The following TDRD12 variants were observed in gnomAD, a reference collection of about 807,000 sequenced individuals.
TDRD12 encodes putative ATP-dependent RNA helicase TDRD12.
TDRD12 carries 158 observed loss-of-function variants against 133.5 expected under a neutral mutation model. The ratio of observed to expected loss-of-function variants is 1.18; its 90% CI spans 1.04 to 1.35. The LOEUF is 1.35. TDRD12 is among the 40% of genes most tolerant of loss of function. The pLI, the probability that TDRD12 is intolerant of heterozygous loss-of-function variation, is 0.00. For synonymous variants in TDRD12, 460 were observed against 477.9 expected, an observed-to-expected ratio of 0.96 and a Z score of 0.49; for missense variants, 1,443 against 1,321.3, an observed-to-expected ratio of 1.09 and a Z score of -1.43.
At chr19:32,827,704 G>C (rs1233279236) in exon 10 of TDRD12, 1 of 152,164 alleles carries the variant, frequency 6.6e-6, no homozygotes, top group Non-Finnish European at 1.5e-5. Flanking sequence ...TTACCTCAAG[G>C]ATAAATGATT....
At chr19:32,804,276 G>A (rs1005307271) in intron 21 of TDRD12, among the ~76,000 whole-genome samples, 2 of 151,534 alleles carry the variant, frequency 1.3e-5, no homozygotes, top group Non-Finnish European at 2.9e-5. Context: ...GTTTCACCAT[G>A]TTAGCCAGGA....
chr19:32,820,470 T>C (rs946960137), intron 27 of TDRD12, among the ~76,000 whole-genome samples: 2 of 152,286 alleles, frequency 1.3e-5, no homozygotes, highest in African/African-American at 2.4e-5. Context: ...AAAAGAATAC[T>C]ACCATTTAAA....
At chr19:32,753,567 G>A (rs542787519) in intron 6 of TDRD12, among the ~76,000 whole-genome samples, 23 of 151,468 alleles carry the variant, frequency 1.5e-4, no homozygotes, top group Non-Finnish European at 5.9e-5. Context: ...ACACTGGCGC[G>A]ATCTCTGCTC....
At chr19:32,800,676 T>A (rs1292933616) in exon 18 of TDRD12, 1 of 1,535,584 alleles carries the variant, frequency 6.5e-7, no homozygotes, top group South Asian at 1.2e-5. Context: ...GTGAAAAAAC[T>A]TCTTCTTTAC....
intron 17 of TDRD12, 41 bp downstream of exon 17, chr19:32,800,399 G>A (rs1482344437): frequency 3.6e-6 from 5 of 1,376,246 alleles, no homozygotes; most frequent in Middle Eastern, 1.9e-4. Flanking sequence ...GTGTGTGTGT[G>A]TGTATGTGTT....
chr19:32,784,400 T>C (rs1970849736), intron 11 of TDRD12, among the ~76,000 whole-genome samples: 1 of 152,210 alleles, frequency 6.6e-6, no homozygotes, highest in Non-Finnish European at 1.5e-5. Flanking sequence ...GCCAGTATTT[T>C]ATTGAGGATT....
chr19:32,827,372 C>CTTTTCTTTTTTTTTTTTT (rs61327156), exon 10 of TDRD12: 4 of 119,008 alleles, frequency 3.4e-5, no homozygotes, highest in African/African-American at 1.4e-4. Context: ...CTTTTCTTTT[C>CTTTTCTTTTTTTTTTTTT]TTTTTTTTTT....
At chr19:32,720,159 C>T (rs1430845150) in intron 1 of TDRD12, 63 bp downstream of exon 1, 2 of 1,411,024 alleles carry the variant, frequency 1.4e-6, no homozygotes, top group African/African-American at 3.4e-5. Flanking sequence ...ACCCCAGCCG[C>T]GCACAGCCTC....
At chr19:32,802,255 T>C (rs1184196492) in intron 19 of TDRD12, among the ~76,000 whole-genome samples, 1 of 148,380 alleles carries the variant, frequency 6.7e-6, no homozygotes, top group Non-Finnish European at 1.5e-5. Context: ...TATATGATAG[T>C]GATCATATAT....
chr19:32,801,691 A>T, intron 18 of TDRD12, 65 bp from the exon 19 acceptor site: 1 of 514,082 alleles, frequency 1.9e-6, no homozygotes, highest in Non-Finnish European at 3.3e-6. Context: ...ACAATTATTG[A>T]TGGAACGGTT....
chr19:32,819,885 A>G (rs1487834744), intron 27 of TDRD12, among the ~76,000 whole-genome samples: 2 of 152,166 alleles, frequency 1.3e-5, no homozygotes, highest in East Asian at 1.9e-4. Context: ...GGTGGTTTCC[A>G]GGCACAGCCC....
intron 2 of TDRD12, among the ~76,000 whole-genome samples, chr19:32,734,998 C>T (rs1303732569): frequency 6.6e-6 from 1 of 152,126 alleles, no homozygotes; most frequent in Non-Finnish European, 1.5e-5. Flanking sequence ...CTGACTGCTC[C>T]ACCATCTCTC....
At chr19:32,728,367 G>T (rs1968924059) in intron 1 of TDRD12, among the ~76,000 whole-genome samples, 1 of 152,236 alleles carries the variant, frequency 6.6e-6, no homozygotes, top group South Asian at 2.1e-4. Context: ...ACATCTTAAT[G>T]ATATTAAATC....
At position 32,742,102 on chromosome 19, in the gene TDRD12, C is replaced by A. The variant is rs111604137; in HGVS notation, c.321-679C>A. On this transcript the variant is annotated intron_variant, in intron 3 of 27. Coordinates refer to ENST00000444215, the Ensembl canonical transcript of TDRD12. ...TTTAGAAAATCTTGAATAGAATTTG[C>A]TTTACAGGTATGTTCATTAGTATCC... 1.9e-4 allele frequency among the ~76,000 whole-genome samples: 28 copies of A among 150,718 alleles called. 1 individual carries two copies. Among genetic ancestry groups the A allele is most frequent in the African/African-American group, 6.8e-4 (28 of 41,022 alleles).
intron 8 of TDRD12, among the ~76,000 whole-genome samples, chr19:32,758,699 T>G (rs564024569): frequency 6.6e-6 from 1 of 151,950 alleles, no homozygotes; most frequent in African/African-American, 2.4e-5. Context: ...CCTTGGGAGG[T>G]CAAGGCTGGC....
At chr19:32,826,414 A>C in intron 8 of TDRD12, 31 bp from the exon 31 acceptor site, 7 of 1,248,210 alleles carry the variant, frequency 5.6e-6, no homozygotes, top group Non-Finnish European at 7.0e-6. Context: ...GCATTTTAAA[A>C]GGCTGACTTT....
chr19:32,736,551 T>C (rs1969230593), intron 2 of TDRD12, among the ~76,000 whole-genome samples: 1 of 152,240 alleles, frequency 6.6e-6, no homozygotes, highest in African/African-American at 2.4e-5. Context: ...CAAGATGCTT[T>C]GACTTCAGCA....
chr19:32,724,540 C>T (rs769264104), intron 1 of TDRD12, among the ~76,000 whole-genome samples: 1 of 152,164 alleles, frequency 6.6e-6, no homozygotes, highest in Non-Finnish European at 1.5e-5. Context: ...CATGTCCCTG[C>T]AAAGGATATT....
exon 17 of TDRD12, chr19:32,800,209 G>C (rs892503341): frequency 6.6e-7 from 1 of 1,524,326 alleles, no homozygotes. Context: ...TATTGAAGTT[G>C]AAGAAAGGGA....
Sources: gnomAD v4.1 joint callset for allele counts (sites outside exome capture counted in the v4.1 genomes callset) on GRCh38, gnomAD v4.1.1 for gene constraint, MANE v1.5 for transcripts, NCBI Gene and HGNC (gene_info 2026-07-23, HGNC 2026-07-21) for gene names.